The following IRAK3 variants were observed in gnomAD, a reference collection of about 807,000 sequenced individuals.
The protein encoded by IRAK3 is interleukin 1 receptor associated kinase 3, also known as interleukin-1 receptor-associated kinase 3.
A neutral mutation model predicts 56.6 loss-of-function variants in IRAK3; 57 were observed. That is an observed-to-expected ratio of 1.01 (90% confidence interval 0.81 to 1.26). IRAK3 has a LOEUF of 1.26. Among genes scored for constraint, IRAK3 ranks in the 50% most tolerant of loss-of-function variants. The pLI is 0.00. For synonymous variants in IRAK3, 258 were observed against 255.7 expected (o/e 1.01, Z -0.09); for missense variants, 703 against 719.0 (o/e 0.98, Z 0.25).
rs761183647 is a variant in IRAK3 at position 66,210,135 on chromosome 12, T to C, written c.382-12T>C. On this transcript the variant is annotated splice_polypyrimidine_tract_variant and intron_variant, in intron 3 of 11. Coordinates refer to ENST00000261233, the MANE Select transcript of IRAK3 (RefSeq NM_007199.3). Reference sequence around the variant, plus strand: ...GAAATGGAATTACTTTAGTATATATTTCTTCTCTTAGGAAACAGCCAATGT... The same window carrying C: ...GAAATGGAATTACTTTAGTATATATCTCTTCTCTTAGGAAACAGCCAATGT... The C allele has an allele frequency of 3.9e-6, 6 of 1,520,692 alleles. No individual in the cohort carries two copies. The highest frequency in any genetic ancestry group is 4.6e-6 in the Non-Finnish European group (5 of 1,095,288). The allele number at this position is 1,520,692 out of a possible 1,614,324, so 94.2% of individuals were successfully genotyped here. A position where few individuals can be genotyped will look rare whatever the true frequency, so the allele number is the denominator to read the frequency against.
intron 5 of IRAK3, among the ~76,000 whole-genome samples, chr12:66,215,693 A>G (rs2052663717): frequency 6.6e-6 from 1 of 152,086 alleles, no homozygotes; most frequent in African/African-American, 2.4e-5. Context: ...CTGTCTCTAC[A>G]TACATTTTAA....
At chr12:66,233,447 G>A (rs528159520) in intron 8 of IRAK3, among the ~76,000 whole-genome samples, 5 of 152,046 alleles carry the variant, frequency 3.3e-5, no homozygotes, top group Admixed American at 1.3e-4. Flanking sequence ...GAACCCGGGA[G>A]GCGGAGCTTG....
chr12:66,226,140 A>C (rs2052782854), intron 6 of IRAK3, among the ~76,000 whole-genome samples: 1 of 152,186 alleles, frequency 6.6e-6, no homozygotes, highest in African/African-American at 2.4e-5. Flanking sequence ...AATCTTTAAA[A>C]ATCTTTATTT....
At chr12:66,193,644 T>C (rs563830642) in intron 1 of IRAK3, among the ~76,000 whole-genome samples, 1 of 79,984 alleles carries the variant, frequency 1.3e-5, no homozygotes, top group Non-Finnish European at 2.4e-5. Context: ...GGAGTATTGG[T>C]TGGAACTTAT....
intron 11 of IRAK3, 67 bp downstream of exon 11, chr12:66,245,329 A>G: frequency 1.3e-6 from 2 of 1,482,546 alleles, no homozygotes; most frequent in Non-Finnish European, 9.4e-7. Flanking sequence ...AACTAGATAA[A>G]TTGTGTATCT....
chr12:66,197,188 G>T, intron 1 of IRAK3: 1 of 1,269,116 alleles, frequency 7.9e-7, no homozygotes, highest in Non-Finnish European at 9.9e-7. Flanking sequence ...TTTAAACAAT[G>T]CTTAACTAAC....
chr12:66,223,387 C>T lies in IRAK3; in HGVS notation c.654-3336C>T, dbSNP rs1477237858. On this transcript the variant is annotated intron_variant, in intron 6 of 11. Coordinates refer to ENST00000261233, the MANE Select transcript of IRAK3 (RefSeq NM_007199.3). Reference sequence around the variant, plus strand: ...AGTTATCATGGTTTGAGGCCAGGCGCGGTGGCTCACGCCTGTAATCCCAGC... The same window carrying T: ...AGTTATCATGGTTTGAGGCCAGGCGTGGTGGCTCACGCCTGTAATCCCAGC... Among the ~76,000 whole-genome samples the T allele has an allele frequency of 3.3e-5, 5 of 151,886 alleles. 1 individual carries two copies. Among genetic ancestry groups the T allele is most frequent in the Admixed American group, 6.5e-5 (1 of 15,270 alleles).
chr12:66,248,203 A>T lies in IRAK3; in HGVS notation c.*32A>T. 2 of 1,500,344 alleles carry T rather than the reference A, an allele frequency of 1.3e-6. No homozygotes were observed. Among genetic ancestry groups the T allele is most frequent in the Non-Finnish European group, 1.9e-6 (2 of 1,077,092 alleles). 92.9% of individuals were successfully genotyped at this position (1,500,344 alleles called of 1,614,324 possible). A position where few individuals can be genotyped will look rare whatever the true frequency, so the allele number is the denominator to read the frequency against. On this transcript the variant is annotated 3_prime_UTR_variant, in exon 12 of 12. Transcript: ENST00000261233. ...CCAGAAGATAAAGAAAAAAGCAAGT[A>T]TTGCATAGGCACCTGAGCATAGGTA...
At chr12:66,230,861 T>C (rs73327334) in intron 8 of IRAK3, among the ~76,000 whole-genome samples, 10,865 of 152,224 alleles carry the variant, frequency 0.071, 1,067 homozygotes, top group African/African-American at 0.22. Flanking sequence ...CTTAGCTCAG[T>C]GTCCCCTAAT....
At chr12:66,226,897 C>A in intron 7 of IRAK3, 60 bp downstream of exon 7, 1 of 1,020,766 alleles carries the variant, frequency 9.8e-7, no homozygotes, top group Non-Finnish European at 1.6e-6. Context: ...GGGAGAGCTG[C>A]TGAAACCGTC....
intron 2 of IRAK3, 133 bp from the exon 3 acceptor site, chr12:66,209,323 G>A (rs1475376611): frequency 4.3e-5 from 28 of 656,788 alleles, no homozygotes; most frequent in South Asian, 2.8e-4. Context: ...CAAATTTATC[G>A]TAATGTTGCA....
At chr12:66,237,035 G>A (rs1368995899) in intron 8 of IRAK3, among the ~76,000 whole-genome samples, 2 of 152,164 alleles carry the variant, frequency 1.3e-5, no homozygotes, top group South Asian at 2.1e-4. Flanking sequence ...CACTGGTTAA[G>A]AGTGTGGCCT....
In IRAK3 at chr12:66,245,096, A is replaced by G. The variant is rs947787717; in HGVS notation, c.1150-2A>G. 1 of 1,614,090 alleles carries G rather than the reference A, an allele frequency of 6.2e-7. No homozygotes were observed. Among genetic ancestry groups the G allele is most frequent in the Non-Finnish European group, 8.5e-7 (1 of 1,180,014 alleles). On this transcript the variant is annotated splice_acceptor_variant, in intron 10 of 11. Coordinates refer to ENST00000261233, the MANE Select transcript of IRAK3 (RefSeq NM_007199.3). LOFTEE classifies it high-confidence loss of function. ...GATAAAATTGTCTCCCTCTCTTCCAAGCGGGATCTCCTTAGAGAATTGATG... is the reference window on the plus strand; with the variant it reads ...GATAAAATTGTCTCCCTCTCTTCCAGGCGGGATCTCCTTAGAGAATTGATG...
chr12:66,246,850 A>G (rs1441810294), intron 11 of IRAK3, among the ~76,000 whole-genome samples: 2 of 152,200 alleles, frequency 1.3e-5, no homozygotes, highest in African/African-American at 2.4e-5. Flanking sequence ...TCTCACATCT[A>G]GCTGTACATC....
chr12:66,236,395 C>CAAAAAAAAAAA (rs56074285), intron 8 of IRAK3, among the ~76,000 whole-genome samples: 2 of 110,370 alleles, frequency 1.8e-5, no homozygotes, highest in Non-Finnish European at 3.6e-5. Context: ...CTAAAAATAC[C>CAAAAAAAAAAA]AAAAAAAAAA....
chr12:66,214,565 A>AAAACAAAACC (rs920843787), intron 5 of IRAK3, among the ~76,000 whole-genome samples: 3 of 151,918 alleles, frequency 2.0e-5, no homozygotes, highest in African/African-American at 7.3e-5. Context: ...AAAACAAAAC[A>AAAACAAAACC]AAACCACCAG....
chr12:66,227,584 A>C (rs1027189024), intron 7 of IRAK3, among the ~76,000 whole-genome samples: 1 of 107,196 alleles, frequency 9.3e-6, no homozygotes, highest in Non-Finnish European at 2.4e-5. Flanking sequence ...GTCATAAATA[A>C]ATAAATAAAT....
At chr12:66,228,616 T>C (rs1191783256) in intron 8 of IRAK3, among the ~76,000 whole-genome samples, 1 of 152,212 alleles carries the variant, frequency 6.6e-6, no homozygotes, top group Non-Finnish European at 1.5e-5. Context: ...TAATGAACAA[T>C]GTAGGATAGA....
intron 8 of IRAK3, among the ~76,000 whole-genome samples, chr12:66,239,299 C>CTTTTTTTT (rs10677185): frequency 1.4e-5 from 2 of 144,572 alleles, no homozygotes; most frequent in Non-Finnish European, 1.5e-5. Context: ...TCAAAATGGA[C>CTTTTTTTT]TTTTTTTTTT....
Sources: allele counts gnomAD v4.1 joint callset (sites outside exome capture counted in the v4.1 genomes callset), GRCh38; gene constraint gnomAD v4.1.1; transcripts MANE v1.5; gene names NCBI Gene and HGNC (gene_info 2026-07-23, HGNC 2026-07-21).